Variants in DLG2 observed in about 807,000 individuals in gnomAD.
DLG2 encodes discs large MAGUK scaffold protein 2.
Under a neutral mutation model 132.5 loss-of-function variants are expected in DLG2, and 45 were observed. The observed-to-expected ratio is 0.34, with a 90% CI of 0.27 to 0.44. The LOEUF (loss-of-function observed/expected upper bound fraction) is 0.44, where lower values mean the gene tolerates loss of function less well. DLG2 is among the 20% of genes least tolerant of loss of function. DLG2 has a pLI of 1.00. For missense variants in DLG2, 1,045 were observed against 1,196.9 expected (o/e 0.87, Z 1.87); for synonymous variants, 424 against 419.6 (o/e 1.01, Z -0.13).
chr11:85,403,111 G>C (rs2088333860), intron 3 of DLG2, among the ~76,000 whole-genome samples: 1 of 152,114 alleles, frequency 6.6e-6, no homozygotes, highest in African/African-American at 2.4e-5. Flanking sequence ...ATCAACAATA[G>C]ACTGGATTAA....
At chr11:83,805,186 T>C (rs2045586077) in intron 17 of DLG2, among the ~76,000 whole-genome samples, 2 of 152,154 alleles carry the variant, frequency 1.3e-5, no homozygotes, top group South Asian at 4.1e-4. Context: ...TTTGAGACCA[T>C]GTAAATATCC....
At chr11:85,058,106 A>G (rs1292625424) in intron 6 of DLG2, among the ~76,000 whole-genome samples, 1 of 151,444 alleles carries the variant, frequency 6.6e-6, no homozygotes, top group Non-Finnish European at 1.5e-5. Context: ...ACCAAATAAA[A>G]CTATCAATAT....
intron 10 of DLG2, among the ~76,000 whole-genome samples, chr11:84,087,918 G>A (rs1566429777): frequency 6.6e-6 from 1 of 152,204 alleles, no homozygotes; most frequent in Non-Finnish European, 1.5e-5. Flanking sequence ...TAAGTTTGTA[G>A]TAATGTGTTA....
chr11:84,175,053 A>G (rs955732182), intron 8 of DLG2, among the ~76,000 whole-genome samples: 1 of 152,234 alleles, frequency 6.6e-6, no homozygotes, highest in African/African-American at 2.4e-5. Flanking sequence ...ATCCTTACTT[A>G]CTGATGGAAA....
chr11:83,660,891 T>C (rs1008379302), intron 18 of DLG2, among the ~76,000 whole-genome samples: 1 of 152,222 alleles, frequency 6.6e-6, no homozygotes, highest in East Asian at 1.9e-4. Flanking sequence ...CACTTCTTCT[T>C]CTGACTCCCC....
rs576772045 is a variant in DLG2, at chr11:84,072,330, G to C, written c.750-12846C>G. On this transcript the variant is annotated intron_variant, in intron 10 of 27. Transcript: ENST00000376104. ...CAGGCCTCTTCCTCTGCCTGAATTA[G>C]CCACCTCCAGACCCGGGTTGTCTGT... Among the ~76,000 whole-genome samples the C allele has an allele frequency of 1.1e-4, 16 of 152,264 alleles. No homozygotes were observed. The South Asian group carries it at 3.3e-3, about 32-fold the overall frequency.
At chr11:84,492,569 C>T (rs1243687181) in intron 7 of DLG2, among the ~76,000 whole-genome samples, 1 of 152,138 alleles carries the variant, frequency 6.6e-6, no homozygotes, top group East Asian at 1.9e-4. Flanking sequence ...TCAGGTTCCT[C>T]AGCTGTATAA....
intron 6 of DLG2, among the ~76,000 whole-genome samples, chr11:84,707,321 T>C (rs1015908691): frequency 1.3e-5 from 2 of 151,850 alleles, no homozygotes; most frequent in African/African-American, 4.8e-5. Flanking sequence ...TTCAGATATA[T>C]TTGATTCTAC....
At chr11:84,473,015 CAAAGCTAGAAGG>C (rs2099112489) in intron 7 of DLG2, among the ~76,000 whole-genome samples, 1 of 151,862 alleles carries the variant, frequency 6.6e-6, no homozygotes, top group Non-Finnish European at 1.5e-5. Flanking sequence ...GCAGTAATGC[CAAAGCTAGAAGG>C]AACTTAGAGT....
rs923020250 is a variant in DLG2 at position 85,485,055 on chromosome 11, A to C, written c.40+113602T>G. ...TGATGAGTTCATGTCCTTTGTAGGG[A>C]CATGGATGAAGCTGGAAACCATCAT... On this transcript the variant is annotated intron_variant, in intron 3 of 27. Transcript: ENST00000376104. Among the ~76,000 whole-genome samples, 292 of 152,300 alleles carry C rather than the reference A, an allele frequency of 1.9e-3. 3 individuals carry two copies. The highest frequency in any genetic ancestry group is 6.6e-3 in the African/African-American group (274 of 41,550).
intron 4 of DLG2, among the ~76,000 whole-genome samples, chr11:85,169,156 AG>A (rs2078667953): frequency 1.3e-5 from 2 of 152,168 alleles, no homozygotes; most frequent in African/African-American, 2.4e-5. Flanking sequence ...CTATAAAAAT[AG>A]TTGTTGTACT....
intron 19 of DLG2, among the ~76,000 whole-genome samples, chr11:83,592,771 T>G (rs1402586961): frequency 7.5e-5 from 11 of 147,366 alleles, no homozygotes; most frequent in Non-Finnish European, 1.5e-4. Flanking sequence ...ATCCAGAATC[T>G]ACAATGAACT....
chr11:83,715,464 A>C (rs956220213), intron 18 of DLG2, among the ~76,000 whole-genome samples: 1 of 152,162 alleles, frequency 6.6e-6, no homozygotes, highest in African/African-American at 2.4e-5. Flanking sequence ...TTTCCACACT[A>C]AAGAGGCAAG....
chr11:84,372,072 A>G (rs954800759), intron 7 of DLG2, among the ~76,000 whole-genome samples: 1 of 152,228 alleles, frequency 6.6e-6, no homozygotes, highest in African/African-American at 2.4e-5. Context: ...TTACATTTAA[A>G]TTAATCTGAA....
chr11:85,486,553 C>T (rs1175859504), intron 3 of DLG2, among the ~76,000 whole-genome samples: 3 of 152,152 alleles, frequency 2.0e-5, no homozygotes, highest in Non-Finnish European at 4.4e-5. Context: ...ACCATTGGCA[C>T]CTGATTAGTC....
chr11:84,603,643 A>T (rs2099580595), intron 6 of DLG2, among the ~76,000 whole-genome samples: 1 of 151,950 alleles, frequency 6.6e-6, no homozygotes, highest in Non-Finnish European at 1.5e-5. Context: ...AACCTGAGTC[A>T]TCTTTGACTC....
chr11:85,360,037 G>A (rs780519473), intron 3 of DLG2, among the ~76,000 whole-genome samples: 6 of 152,176 alleles, frequency 3.9e-5, no homozygotes, highest in Admixed American at 6.5e-5. Context: ...CAGGGCGTGT[G>A]CTGAAGCAGA....
intron 3 of DLG2, among the ~76,000 whole-genome samples, chr11:85,316,553 A>G (rs934011404): frequency 6.6e-6 from 1 of 151,970 alleles, no homozygotes; most frequent in African/African-American, 2.4e-5. Flanking sequence ...ATGATGCAGC[A>G]GAATAAAGAA....
chr11:84,743,476 A>G lies in DLG2; in HGVS notation c.358-208745T>C, dbSNP rs2064956417. Among the ~76,000 whole-genome samples, 3 of 152,172 alleles carry G rather than the reference A, an allele frequency of 2.0e-5. No individual in the cohort carries two copies. The South Asian group carries it at 6.2e-4, about 31-fold the overall frequency. On this transcript the variant is annotated intron_variant, in intron 6 of 27. Transcript: ENST00000376104. ...ATCCATTTAGCATTCATTGAGTTCT[A>G]TGACACTTCAGATATTAAACTATAA... is the stretch of plus-strand genomic sequence containing the variant.
Sources: gnomAD v4.1 joint callset for allele counts (sites outside exome capture counted in the v4.1 genomes callset) on GRCh38, gnomAD v4.1.1 for gene constraint, MANE v1.5 for transcripts, NCBI Gene and HGNC (gene_info 2026-07-23, HGNC 2026-07-21) for gene names.